NYAP2: variants seen among roughly 807,000 people sequenced by gnomAD.
The protein encoded by NYAP2 is neuronal tyrosine-phosphorylated phosphoinositide-3-kinase adaptor 2.
A neutral mutation model predicts 50.4 loss-of-function variants in NYAP2; 23 were observed. The observed-to-expected ratio is 0.46, with a 90% CI of 0.33 to 0.65. The LOEUF (loss-of-function observed/expected upper bound fraction) is 0.65, where lower values mean the gene tolerates loss of function less well. Ranked by LOEUF, NYAP2 falls within the 30% of genes least tolerant of loss-of-function variation. NYAP2 has a pLI of 0.02. For missense variants in NYAP2, 885 were observed against 861.0 expected (o/e 1.03, Z -0.35); for synonymous variants, 394 against 365.2 (o/e 1.08, Z -0.90).
At chr2:225,509,142 C>G (rs191768277) in intron 3 of NYAP2, among the ~76,000 whole-genome samples, 14 of 152,314 alleles carry the variant, frequency 9.2e-5, no homozygotes, top group Non-Finnish European at 1.9e-4. Context: ...GGAAACACTT[C>G]CACTTGTCTC....
chr2:225,398,619 T>C (rs1481040339), upstream of NYAP2, among the ~76,000 whole-genome samples: 1 of 79,782 alleles, frequency 1.3e-5, no homozygotes, highest in African/African-American at 6.6e-5. Flanking sequence ...AGAACCTTCA[T>C]AAGGCAGAGA....
chr2:225,548,976 G>A (rs990885190), intron 4 of NYAP2, among the ~76,000 whole-genome samples: 1 of 151,656 alleles, frequency 6.6e-6, no homozygotes. Context: ...CTACCTCCTG[G>A]GTCAAGCGAT....
intron 2 of NYAP2, among the ~76,000 whole-genome samples, chr2:225,407,484 C>T (rs1694961941): frequency 6.6e-6 from 1 of 151,762 alleles, no homozygotes; most frequent in South Asian, 2.1e-4. Context: ...AGGATGGGTT[C>T]CAAATCAAAT....
intron 3 of NYAP2, among the ~76,000 whole-genome samples, chr2:225,500,728 C>A (rs764984499): frequency 4.6e-5 from 7 of 152,072 alleles, no homozygotes; most frequent in Non-Finnish European, 1.0e-4. Flanking sequence ...TTATCTCAGT[C>A]TTCTGATTTT....
At chr2:225,560,695 G>A (rs1252001384) in intron 4 of NYAP2, among the ~76,000 whole-genome samples, 1 of 152,054 alleles carries the variant, frequency 6.6e-6, no homozygotes, top group African/African-American at 2.4e-5. Flanking sequence ...GGAGCTGGAA[G>A]GATATTTGTG....
At chr2:225,613,206 G>A (rs1024730093) in intron 5 of NYAP2, among the ~76,000 whole-genome samples, 6 of 152,158 alleles carry the variant, frequency 3.9e-5, no homozygotes, top group Non-Finnish European at 7.3e-5. Context: ...TATGGCTGAA[G>A]GCCTGAGAGT....
intron 5 of NYAP2, among the ~76,000 whole-genome samples, chr2:225,612,798 ACATCACACCCAATGTGTGTGATG>A (rs1488007626): frequency 0.18 from 15,808 of 89,058 alleles, 971 homozygotes; most frequent in Non-Finnish European, 0.21. Context: ...CCACCTTTGG[ACATCACACCCAATGTGTGTGATG>A]ACATCACACC....
intron 3 of NYAP2, among the ~76,000 whole-genome samples, chr2:225,450,466 C>CCT (rs975807927): frequency 2.0e-5 from 3 of 152,070 alleles, no homozygotes; most frequent in African/African-American, 7.2e-5. Context: ...TAGCTTTGGG[C>CCT]TCACATTATG....
At chr2:225,485,297 A>G (rs6436557) in intron 3 of NYAP2, among the ~76,000 whole-genome samples, 30,940 of 152,128 alleles carry the variant, frequency 0.2, 6,207 homozygotes, top group African/African-American at 0.52. Context: ...CCCCAGCCAC[A>G]TGGAACTGTG....
At chr2:225,650,265 C>T (rs562988437) in intron 6 of NYAP2, among the ~76,000 whole-genome samples, 5 of 152,210 alleles carry the variant, frequency 3.3e-5, no homozygotes, top group Admixed American at 1.3e-4. Context: ...CTCTGAAGTG[C>T]GATTCATATA....
At chr2:225,453,001 C>A (rs927988323) in intron 3 of NYAP2, among the ~76,000 whole-genome samples, 3 of 152,196 alleles carry the variant, frequency 2.0e-5, no homozygotes, top group Admixed American at 6.5e-5. Context: ...ATCCAGTCAG[C>A]ATGCCCAGCT....
intron 5 of NYAP2, among the ~76,000 whole-genome samples, chr2:225,584,233 A>T (rs1210871382): frequency 1.3e-5 from 2 of 152,176 alleles, no homozygotes; most frequent in Admixed American, 1.3e-4. Flanking sequence ...TTTCCTTTTA[A>T]AAGCCATGGT....
Position 225,513,251 on chromosome 2 carries a change from A to G in NYAP2, c.222-120A>G, listed in dbSNP as rs969999981. The stretch of plus-strand genomic sequence containing the variant: ...ACTTGAGTTTGTTTTAAAAGGCAGC[A>G]TTTCACCGGACTAAAATGAAGATTT... On this transcript the variant is annotated intron_variant, in intron 3 of 6. Coordinates refer to ENST00000636099, the Ensembl canonical transcript of NYAP2. 4.6e-6 allele frequency: 4 copies of G among 876,952 alleles called. No individual in the cohort carries two copies. In the African/African-American group the frequency reaches 5.1e-5, roughly 11 times the overall value. 54.3% of individuals were successfully genotyped at this position (876,952 alleles called of 1,614,324 possible).
chr2:225,540,213 C>T (rs998553843), intron 4 of NYAP2, among the ~76,000 whole-genome samples: 2 of 152,198 alleles, frequency 1.3e-5, no homozygotes, highest in South Asian at 4.1e-4. Flanking sequence ...CTGCCTGTTA[C>T]CCAGTTCCAA....
At chr2:225,482,199 A>G (rs1230535751) in intron 3 of NYAP2, among the ~76,000 whole-genome samples, 1 of 152,162 alleles carries the variant, frequency 6.6e-6, no homozygotes. Context: ...ATTTTACAGA[A>G]AGCTCCATTA....
intron 3 of NYAP2, among the ~76,000 whole-genome samples, chr2:225,426,471 T>C (rs997004569): frequency 2.6e-5 from 4 of 152,206 alleles, no homozygotes; most frequent in Non-Finnish European, 5.9e-5. Context: ...GCTCATCCAC[T>C]GCACTTGGAA....
At chr2:225,538,842 CTTTCT>C (rs1559208726) in intron 4 of NYAP2, among the ~76,000 whole-genome samples, 78 of 49,742 alleles carry the variant, frequency 1.6e-3, no homozygotes, top group South Asian at 4.4e-3. Context: ...TTCTTTCTTT[CTTTCT>C]TTGTTTTTAT....
intron 3 of NYAP2, among the ~76,000 whole-genome samples, chr2:225,503,275 T>C (rs1001030747): frequency 6.6e-6 from 1 of 152,242 alleles, no homozygotes; most frequent in African/African-American, 2.4e-5. Flanking sequence ...TGTGAACTTC[T>C]GTAAACTGTA....
At chr2:225,607,542 A>G (rs1017976638) in intron 5 of NYAP2, among the ~76,000 whole-genome samples, 1 of 152,156 alleles carries the variant, frequency 6.6e-6, no homozygotes, top group Non-Finnish European at 1.5e-5. Context: ...ACTTTGGCAC[A>G]TGATTTTGGA....
Sources: allele counts gnomAD v4.1 joint callset (sites outside exome capture counted in the v4.1 genomes callset), GRCh38; gene constraint gnomAD v4.1.1; transcripts MANE v1.5; gene names NCBI Gene and HGNC (gene_info 2026-07-23, HGNC 2026-07-21).